The following PDE11A variants were observed in gnomAD, a reference collection of about 807,000 sequenced individuals.
PDE11A encodes dual 3',5'-cyclic-AMP and -GMP phosphodiesterase 11A.
PDE11A carries 100 observed loss-of-function variants against 100.5 expected under a neutral mutation model. The ratio of observed to expected loss-of-function variants is 1.00; its 90% CI spans 0.85 to 1.18. The LOEUF is 1.18. Ranked by LOEUF, PDE11A falls within the 50% of genes most tolerant of loss-of-function variation. PDE11A has a pLI of 0.00. For missense variants in PDE11A, 1,141 were observed against 1,152.6 expected (o/e 0.99, Z 0.15); for synonymous variants, 381 against 420.8 (o/e 0.91, Z 1.16).
At chr2:177,859,175 A>G (rs986412972) in intron 5 of PDE11A, among the ~76,000 whole-genome samples, 3 of 152,104 alleles carry the variant, frequency 2.0e-5, no homozygotes, top group Non-Finnish European at 4.4e-5. Context: ...GCAGCACACC[A>G]ACATGGCACA....
At chr2:177,960,765 TA>T (rs913868444) in intron 2 of PDE11A, among the ~76,000 whole-genome samples, 20 of 152,302 alleles carry the variant, frequency 1.3e-4, no homozygotes, top group African/African-American at 4.8e-4. Flanking sequence ...AGGTCTGCCC[TA>T]AGGAAAACTA....
At chr2:177,747,423 C>G (rs887126532) in intron 10 of PDE11A, among the ~76,000 whole-genome samples, 1 of 152,206 alleles carries the variant, frequency 6.6e-6, no homozygotes, top group African/African-American at 2.4e-5. Context: ...AGCCTCCGTG[C>G]ACCTCAAGTC....
chr2:177,655,510 T>G (rs73977695), intron 19 of PDE11A, among the ~76,000 whole-genome samples: 10,135 of 152,240 alleles, frequency 0.067, 937 homozygotes, highest in African/African-American at 0.21. Context: ...AACTTCTTCC[T>G]GCCCAGCACG....
At chr2:177,640,237 A>G (rs1310790059) in intron 19 of PDE11A, among the ~76,000 whole-genome samples, 1 of 152,208 alleles carries the variant, frequency 6.6e-6, no homozygotes, top group Non-Finnish European at 1.5e-5. Context: ...AACTTATCTT[A>G]CGTATCTGTT....
At chr2:177,831,050 C>T (rs567632081) in intron 6 of PDE11A, among the ~76,000 whole-genome samples, 1 of 152,212 alleles carries the variant, frequency 6.6e-6, no homozygotes, top group South Asian at 2.1e-4. Context: ...GCTATCAAGC[C>T]CAGCAGGTGC....
intron 9 of PDE11A, among the ~76,000 whole-genome samples, chr2:177,776,734 A>G (rs1299325849): frequency 1.3e-5 from 2 of 152,196 alleles, no homozygotes; most frequent in Non-Finnish European, 2.9e-5. Flanking sequence ...ATAGAAGACC[A>G]GGTGAGGACA....
At position 177,875,518 on chromosome 2, in the gene PDE11A, C is replaced by T. The variant is rs1187569340; in HGVS notation, c.1367+341G>A. On this transcript the variant is annotated intron_variant, in intron 5 of 19. Transcript: ENST00000286063. Reference sequence around the variant, plus strand: ...TCAGCCTCCCAAGTAGCTGGGACCACAGGCACCCGCCACCATGCCCGGCTA... The same window carrying T: ...TCAGCCTCCCAAGTAGCTGGGACCATAGGCACCCGCCACCATGCCCGGCTA... Among the ~76,000 whole-genome samples the T allele has an allele frequency of 2.0e-5, 3 of 151,678 alleles. No individual in the cohort carries two copies. In the East Asian group the frequency reaches 6.0e-4, roughly 30 times the overall value.
chr2:178,048,353 TGAAA>T (rs1174992301), intron 1 of PDE11A, among the ~76,000 whole-genome samples: 1 of 152,064 alleles, frequency 6.6e-6, no homozygotes, highest in East Asian at 1.9e-4. Context: ...GGGCGCGGCA[TGAAA>T]GAAAGAGTTC....
At position 177,856,552 on chromosome 2, in the gene PDE11A, A is replaced by G. The variant is rs115744574; in HGVS notation, c.1368-16169T>C. Among the ~76,000 whole-genome samples the G allele has an allele frequency of 7.3e-3, 1,104 of 152,228 alleles. 13 individuals are homozygous for G. The highest frequency in any genetic ancestry group is 0.025 in the African/African-American group (1,028 of 41,558). On this transcript the variant is annotated intron_variant, in intron 5 of 19. Coordinates refer to ENST00000286063, the MANE Select transcript of PDE11A (RefSeq NM_016953.4). Reference sequence around the variant, plus strand: ...ATCATATCTAAAGACTGAAAGGAAAATATGAGAAGGCTGTCTCCCAAATAA... The same window carrying G: ...ATCATATCTAAAGACTGAAAGGAAAGTATGAGAAGGCTGTCTCCCAAATAA...
chr2:177,997,946 C>T (rs1836672), intron 2 of PDE11A: 798,782 of 1,201,806 alleles, frequency 0.66, 269,715 homozygotes, highest in Admixed American at 0.78. Flanking sequence ...CCTTCCACTG[C>T]GGTAGTCAAG....
chr2:177,875,893 TC>T lies in PDE11A; in HGVS notation c.1332del (p.Met445CysfsTer26), dbSNP rs757360600. Reference protein sequence around the residue: ...PVVKFTKSFELMSPKCSADAE... With the variant: ...PVVKFTKSFEXMSPKCSADAE... ...GCATCAGCACTGCACTTTGGGGACA[TC>T]AATTCAAAGGATTTGGTAAATTTCA... On this transcript the variant is annotated frameshift_variant, in exon 5 of 20. Coordinates refer to ENST00000286063, the MANE Select transcript of PDE11A (RefSeq NM_016953.4). LOFTEE classifies it high-confidence loss of function. 8.4e-5 allele frequency: 135 copies of T among 1,612,270 alleles called. No individual in the cohort carries two copies. The highest frequency in any genetic ancestry group is 1.1e-4 in the Non-Finnish European group (126 of 1,178,468).
intron 15 of PDE11A, among the ~76,000 whole-genome samples, chr2:177,681,320 T>A (rs553609171): frequency 4.5e-4 from 68 of 152,344 alleles, no homozygotes; most frequent in Admixed American, 1.4e-3. Context: ...CAAGATAAGA[T>A]AAACTCCCTG....
chr2:177,787,121 T>C (rs200619273), intron 9 of PDE11A, among the ~76,000 whole-genome samples: 21,382 of 141,098 alleles, frequency 0.15, 1,690 homozygotes, highest in East Asian at 0.31. Context: ...GGAAAAAATG[T>C]TAAGGGCAGC....
At chr2:177,803,903 T>A (rs143005342) in intron 9 of PDE11A, among the ~76,000 whole-genome samples, 10 of 151,916 alleles carry the variant, frequency 6.6e-5, no homozygotes, top group Admixed American at 6.6e-4. Context: ...AAGACAAGGA[T>A]AACCATATGC....
intron 2 of PDE11A, among the ~76,000 whole-genome samples, chr2:177,914,998 T>C (rs1279056918): frequency 1.3e-5 from 2 of 152,198 alleles, no homozygotes; most frequent in Admixed American, 1.3e-4. Flanking sequence ...ATTGAAGATA[T>C]ATCAGTACTT....
rs569182788 is a variant in PDE11A at position 177,845,628 on chromosome 2, T to A, written c.1368-5245A>T. ...GACGCTCCTCACTTCCCAGACGGGG[T>A]GGCGGCCGGGCAGAGGCTGCAATCT... On this transcript the variant is annotated intron_variant, in intron 5 of 19. Coordinates refer to ENST00000286063, the MANE Select transcript of PDE11A (RefSeq NM_016953.4). 1.9e-3 allele frequency among the ~76,000 whole-genome samples: 282 copies of A among 151,332 alleles called. 1 individual carries two copies. Among genetic ancestry groups the A allele is most frequent in the Non-Finnish European group, 2.7e-3 (182 of 67,846 alleles).
intron 2 of PDE11A, among the ~76,000 whole-genome samples, chr2:177,928,152 T>C (rs2085157066): frequency 6.7e-6 from 1 of 149,210 alleles, no homozygotes; most frequent in Non-Finnish European, 1.5e-5. Flanking sequence ...AAACATCAAT[T>C]GGTAAATCTC....
At chr2:177,644,358 C>T (rs528774141) in intron 19 of PDE11A, among the ~76,000 whole-genome samples, 17 of 152,280 alleles carry the variant, frequency 1.1e-4, no homozygotes, top group Middle Eastern at 3.4e-3. Flanking sequence ...TGTTTTAACA[C>T]GGAGTCAAAG....
intron 9 of PDE11A, among the ~76,000 whole-genome samples, chr2:177,771,139 A>G (rs1229766968): frequency 6.6e-6 from 1 of 152,246 alleles, no homozygotes; most frequent in African/African-American, 2.4e-5. Flanking sequence ...TACATTCTTA[A>G]TCTACACAAA....
Sources: allele counts gnomAD v4.1 joint callset (sites outside exome capture counted in the v4.1 genomes callset), GRCh38; gene constraint gnomAD v4.1.1; transcripts MANE v1.5; gene names NCBI Gene and HGNC (gene_info 2026-07-23, HGNC 2026-07-21).